The following SH3RF1 variants were observed in gnomAD, a reference collection of about 807,000 sequenced individuals.
SH3RF1 encodes the protein E3 ubiquitin-protein ligase SH3RF1.
SH3RF1 carries 32 observed loss-of-function variants against 74.0 expected under a neutral mutation model. That is an observed-to-expected ratio of 0.43 (90% CI 0.33 to 0.58). The LOEUF (loss-of-function observed/expected upper bound fraction) is 0.58. Ranked by LOEUF, SH3RF1 falls within the 20% of genes least tolerant of loss-of-function variation. SH3RF1 has a pLI of 0.05. For synonymous variants in SH3RF1, 396 were observed against 439.6 expected, an observed-to-expected ratio of 0.90 and a Z score of 1.24; for missense variants, 954 against 1,130.9, an observed-to-expected ratio of 0.84 and a Z score of 2.24.
intron 8 of SH3RF1, among the ~76,000 whole-genome samples, chr4:169,119,081 T>A (rs1733393090): frequency 6.6e-6 from 1 of 152,076 alleles, no homozygotes; most frequent in Non-Finnish European, 1.5e-5. Flanking sequence ...AAGCACATAT[T>A]CCTCTAGAGT....
rs576366800 is a variant in SH3RF1, at chr4:169,116,288, T to C, written c.2120A>G (p.Lys707Arg). 1 of 1,610,202 alleles carries C rather than the reference T, an allele frequency of 6.2e-7. No homozygotes were observed. The highest frequency in any genetic ancestry group is 1.1e-5 in the South Asian group (1 of 90,416). ...TCTTACTTTGCTATCCTTGTCTGGTTTGGTTGCTGAACTGTTCCCACAAGC... is the reference window on the plus strand; with the variant it reads ...TCTTACTTTGCTATCCTTGTCTGGTCTGGTTGCTGAACTGTTCCCACAAGC... ...SSACGNSSAT[K>R]PDKDSKKEKK... is the part of the protein sequence containing the mutation. Residue 707 changes from lysine to arginine, a missense_variant, in exon 10 of 12, where the codon AAA (lysine) becomes AGA (arginine). Physicochemically the swap from Lys to Arg is conservative, Grantham distance 26 (BLOSUM62 2). Around this residue, in one of 3 missense-constraint regions of SH3RF1, gnomAD observed 854 missense variants for 962.5 expected, o/e 0.89. Transcript: ENST00000284637.
intron 4 of SH3RF1, among the ~76,000 whole-genome samples, chr4:169,139,158 T>C (rs1421627720): frequency 6.6e-6 from 1 of 152,180 alleles, no homozygotes; most frequent in Non-Finnish European, 1.5e-5. Flanking sequence ...ATCTAGCTGG[T>C]GTCGAACTTC....
chr4:169,145,577 T>A (rs996600042), intron 4 of SH3RF1, among the ~76,000 whole-genome samples: 2 of 147,730 alleles, frequency 1.4e-5, no homozygotes, highest in Admixed American at 6.8e-5. Context: ...ATATATATAT[T>A]ATATATCATA....
At chr4:169,244,260 C>T (rs945728505) in intron 2 of SH3RF1, among the ~76,000 whole-genome samples, 2 of 152,206 alleles carry the variant, frequency 1.3e-5, no homozygotes, top group African/African-American at 4.8e-5. Context: ...CACAAATGTG[C>T]ATGCACCCAC....
intron 2 of SH3RF1, among the ~76,000 whole-genome samples, chr4:169,262,272 A>G (rs993653699): frequency 6.6e-6 from 1 of 152,220 alleles, no homozygotes; most frequent in Non-Finnish European, 1.5e-5. Flanking sequence ...GCAAGTATAT[A>G]CACACTTAAT....
chr4:169,098,466 A>C (rs1163127480), intron 11 of SH3RF1, among the ~76,000 whole-genome samples: 1 of 152,232 alleles, frequency 6.6e-6, no homozygotes, highest in African/African-American at 2.4e-5. Flanking sequence ...AATCCATTTA[A>C]GAAAGACCAC....
rs1194462536 is a variant in SH3RF1, at chr4:169,245,470, T to C, written c.393+23350A>G. On this transcript the variant is annotated intron_variant, in intron 2 of 11. Transcript: ENST00000284637. ...ATCTATATAGTCCACTAAAATCTAC[T>C]ATATTTTGATAGCACACAGATGACA... Among the ~76,000 whole-genome samples, 5 of 152,318 alleles carry C rather than the reference T, an allele frequency of 3.3e-5. No individual in the cohort carries two copies. In the East Asian group the frequency reaches 9.6e-4, roughly 29 times the overall value.
chr4:169,162,869 G>A (rs911563031), intron 2 of SH3RF1, among the ~76,000 whole-genome samples: 82 of 152,032 alleles, frequency 5.4e-4, no homozygotes, highest in African/African-American at 1.8e-3. Context: ...CTTTTTTAGC[G>A]CTTGGTGGCT....
chr4:169,218,621 GCAGAC>G (rs1281047623), intron 2 of SH3RF1, among the ~76,000 whole-genome samples: 5 of 151,520 alleles, frequency 3.3e-5, no homozygotes, highest in African/African-American at 1.2e-4. Context: ...AAGGGCAGCT[GCAGAC>G]CAGGGACCAA....
Position 169,155,585 on chromosome 4 carries a change from C to G in SH3RF1, c.670-10G>C, listed in dbSNP as rs772512348. 2 of 1,595,190 alleles carry G rather than the reference C, an allele frequency of 1.3e-6. No homozygotes were observed. The highest frequency in any genetic ancestry group is 2.7e-5 in the African/African-American group (2 of 74,538). On this transcript the variant is annotated splice_polypyrimidine_tract_variant and intron_variant, in intron 3 of 11. Transcript: ENST00000284637. ...CAGTCAGAACATCATCCTGAAGAAACAGCAAATCATTAATCTACCTGATCA... is the reference window on the plus strand; with the variant it reads ...CAGTCAGAACATCATCCTGAAGAAAGAGCAAATCATTAATCTACCTGATCA...
chr4:169,121,341 G>A (rs1364812114), intron 7 of SH3RF1, among the ~76,000 whole-genome samples: 1 of 152,160 alleles, frequency 6.6e-6, no homozygotes, highest in African/African-American at 2.4e-5. Flanking sequence ...TCTTCAAATG[G>A]CACTTGTTAG....
At chr4:169,212,057 C>CTTTTTTTTTTT (rs34108534) in intron 2 of SH3RF1, among the ~76,000 whole-genome samples, 70 of 48,262 alleles carry the variant, frequency 1.5e-3, no homozygotes, top group East Asian at 4.5e-3. Flanking sequence ...CTTTTCTTTT[C>CTTTTTTTTTTT]TTTTTTTTTT....
rs1194732213 is a variant in SH3RF1 at position 169,095,755 on chromosome 4, G to C, written c.*764C>G. 2.6e-5 allele frequency: 4 copies of C among 152,518 alleles called. No homozygotes were observed. Among genetic ancestry groups the C allele is most frequent in the Admixed American group, 2.6e-4 (4 of 15,276 alleles). 9.4% of individuals were successfully genotyped at this position (152,518 alleles called of 1,614,324 possible). ...TCTAAATACATTTTGTTCAAGGGTT[G>C]TGCTGTATTCTTTCTCATTGTTTCA... On this transcript the variant is annotated 3_prime_UTR_variant, in exon 12 of 12. Coordinates refer to ENST00000284637, the MANE Select transcript of SH3RF1 (RefSeq NM_020870.4).
intron 8 of SH3RF1, among the ~76,000 whole-genome samples, chr4:169,119,712 T>G (rs1250018968): frequency 6.6e-6 from 1 of 152,182 alleles, no homozygotes; most frequent in South Asian, 2.1e-4. Context: ...GCAACAACAG[T>G]GATTTTCATT....
At chr4:169,098,437 C>T (rs1382187515) in intron 11 of SH3RF1, among the ~76,000 whole-genome samples, 1 of 152,170 alleles carries the variant, frequency 6.6e-6, no homozygotes, top group Non-Finnish European at 1.5e-5. Flanking sequence ...TTCACCAATT[C>T]CCATTCCATA....
chr4:169,123,248 T>C (rs528239590), intron 6 of SH3RF1, among the ~76,000 whole-genome samples: 2 of 152,354 alleles, frequency 1.3e-5, no homozygotes, highest in East Asian at 3.9e-4. Context: ...TTCTGTTTTT[T>C]GGAATAAAAA....
At chr4:169,270,731 G>A (rs1364718242) in intron 1 of SH3RF1, 128 bp downstream of exon 1, 2 of 152,202 alleles carry the variant, frequency 1.3e-5, no homozygotes, top group African/African-American at 4.8e-5. Flanking sequence ...ACGGGGACCC[G>A]AGGGCGAGGG....
chr4:169,153,563 C>T (rs755619251), intron 4 of SH3RF1, among the ~76,000 whole-genome samples: 1 of 152,088 alleles, frequency 6.6e-6, no homozygotes, highest in Non-Finnish European at 1.5e-5. Context: ...GTAAGACAAT[C>T]GACATTACTG....
At chr4:169,204,639 C>T (rs1730210988) in intron 2 of SH3RF1, among the ~76,000 whole-genome samples, 2 of 150,360 alleles carry the variant, frequency 1.3e-5, no homozygotes, top group South Asian at 4.2e-4. Context: ...CAATCTCTGC[C>T]TCCTGGGTTT....
Sources: allele counts gnomAD v4.1 joint callset (sites outside exome capture counted in the v4.1 genomes callset), GRCh38; gene constraint gnomAD v4.1.1; regional missense constraint gnomAD v4.1.1; transcripts MANE v1.5; gene names NCBI Gene and HGNC (gene_info 2026-07-23, HGNC 2026-07-21).